TRDN: variants seen among roughly 807,000 people sequenced by gnomAD.
The protein encoded by TRDN is triadin.
TRDN carries 161 observed loss-of-function variants against 149.7 expected under a neutral mutation model. The ratio of observed to expected loss-of-function variants is 1.08; its 90% CI spans 0.95 to 1.23. The LOEUF is 1.23. TRDN is among the 50% of genes most tolerant of loss of function. The pLI, the probability that TRDN is intolerant of heterozygous loss-of-function variation, is 0.00. For synonymous variants in TRDN, 294 were observed against 250.5 expected (o/e 1.17, Z -1.64); for missense variants, 896 against 823.5 (o/e 1.09, Z -1.08).
intron 19 of TRDN, among the ~76,000 whole-genome samples, chr6:123,375,195 T>C (rs1340711373): frequency 6.6e-6 from 1 of 152,124 alleles, no homozygotes. Context: ...AGAGCAATGG[T>C]TAAGAAAATG....
In TRDN at chr6:123,352,454, T is replaced by G. The variant is rs1780499109; in HGVS notation, c.1369+85A>C. 6.4e-6 allele frequency: 10 copies of G among 1,569,220 alleles called. 1 individual carries two copies. The South Asian group carries it at 1.2e-4, about 19-fold the overall frequency. On this transcript the variant is annotated intron_variant, in intron 21 of 40. Transcript: ENST00000334268. ...GTAATAGACTTAAAGGTTATTGTCTTCCGCCTGTCTGAATCCAGTGCTTTC... is the reference window on the plus strand; with the variant it reads ...GTAATAGACTTAAAGGTTATTGTCTGCCGCCTGTCTGAATCCAGTGCTTTC...
chr6:123,368,921 C>T (rs1781218830), intron 19 of TRDN, among the ~76,000 whole-genome samples: 1 of 152,182 alleles, frequency 6.6e-6, no homozygotes, highest in Admixed American at 6.6e-5. Flanking sequence ...AGTTAAATCA[C>T]TCACGTATTT....
chr6:123,234,853 C>A (rs1453835450), intron 38 of TRDN, among the ~76,000 whole-genome samples: 1 of 151,996 alleles, frequency 6.6e-6, no homozygotes, highest in Non-Finnish European at 1.5e-5. Flanking sequence ...CACATTAGGA[C>A]AAGTGCTTAT....
chr6:123,525,485 C>T (rs1341771243), intron 5 of TRDN, among the ~76,000 whole-genome samples: 1 of 151,962 alleles, frequency 6.6e-6, no homozygotes. Flanking sequence ...TTCTCACTTA[C>T]AATTGCTACA....
chr6:123,254,336 T>G (rs868779173), intron 37 of TRDN, among the ~76,000 whole-genome samples: 1 of 152,150 alleles, frequency 6.6e-6, no homozygotes, highest in Middle Eastern at 3.4e-3. Context: ...TCTAGATATG[T>G]CTAGTCATTT....
intron 12 of TRDN, among the ~76,000 whole-genome samples, chr6:123,396,570 C>T (rs1772741815): frequency 6.6e-6 from 1 of 152,116 alleles, no homozygotes; most frequent in South Asian, 2.1e-4. Context: ...ATTAAAATGT[C>T]AGCATAATTC....
intron 10 of TRDN, among the ~76,000 whole-genome samples, chr6:123,458,437 A>G (rs1776258991): frequency 6.6e-6 from 1 of 152,172 alleles, no homozygotes; most frequent in South Asian, 2.1e-4. Context: ...TGAAGGCCTT[A>G]AAGAGAAAAG....
chr6:123,360,232 G>A (rs1040519161), intron 20 of TRDN, among the ~76,000 whole-genome samples: 8 of 151,980 alleles, frequency 5.3e-5, no homozygotes, highest in African/African-American at 1.7e-4. Flanking sequence ...TTCTGAGATG[G>A]GGACACAGGA....
intron 12 of TRDN, among the ~76,000 whole-genome samples, chr6:123,394,951 C>T (rs1212156062): frequency 6.6e-6 from 1 of 151,912 alleles, no homozygotes; most frequent in Non-Finnish European, 1.5e-5. Flanking sequence ...ATATAACTGA[C>T]ATTTAGTAGA....
rs562836043 is a variant in TRDN at position 123,371,896 on chromosome 6, C to T, written c.1273+3709G>A. Among the ~76,000 whole-genome samples, 5 of 152,152 alleles carry T rather than the reference C, an allele frequency of 3.3e-5. No homozygotes were observed. The South Asian group carries it at 8.3e-4, about 25-fold the overall frequency. On this transcript the variant is annotated intron_variant, in intron 19 of 40. Coordinates refer to ENST00000334268, the MANE Select transcript of TRDN (RefSeq NM_006073.4). ...GTATGAGTGCTGTTTTGAATATATT[C>T]TGGCAGCACCAGCTGTGATACTATT...
intron 24 of TRDN, among the ~76,000 whole-genome samples, chr6:123,312,390 C>T (rs1778859778): frequency 6.6e-6 from 1 of 151,770 alleles, no homozygotes; most frequent in Non-Finnish European, 1.5e-5. Flanking sequence ...AGATGAAGAC[C>T]TTTATGATGA....
Position 123,571,128 on chromosome 6 carries a change from A to G in TRDN, c.27T>C (p.Asn9=), listed in dbSNP as rs1782556816. Residue 9 remains asparagine (N), a synonymous_variant, in exon 2 of 41, where the codon AAT becomes AAC. Coordinates refer to ENST00000334268, the MANE Select transcript of TRDN (RefSeq NM_006073.4). The part of the protein sequence containing the change: MTEITAEG[N]ASTTTTVIDS... ...CTATCACAGTTGTGGTTGTAGATGC[A>G]TTTCCTAATCAAACATTCAGAAAGG... 6.2e-7 allele frequency: 1 copy of G among 1,613,644 alleles called. No homozygotes were observed. The highest frequency in any genetic ancestry group is 1.3e-5 in the African/African-American group (1 of 74,906).
In TRDN at chr6:123,272,971, A is replaced by G; in HGVS notation, c.1665T>C (p.Gly555=). ...ATACCACCTGCAAAATACCTGGTTT[A>G]CCATGAGAAACAGTCTTTTCTGGTT... ...IVKPEKTVSH[G]KPEEKVLKQV... Residue 555 remains glycine (G), a synonymous_variant, in exon 29 of 41, where the codon GGT becomes GGC. Transcript: ENST00000334268. 1.3e-6 allele frequency: 2 copies of G among 1,530,494 alleles called. No individual in the cohort carries two copies. Among genetic ancestry groups the G allele is most frequent in the Non-Finnish European group, 1.8e-6 (2 of 1,138,752 alleles). 94.8% of individuals were successfully genotyped at this position (1,530,494 alleles called of 1,614,324 possible). A position where few individuals can be genotyped will look rare whatever the true frequency, so the allele number is the denominator to read the frequency against.
chr6:123,452,215 C>G (rs1176649924), intron 10 of TRDN, among the ~76,000 whole-genome samples: 1 of 152,132 alleles, frequency 6.6e-6, no homozygotes, highest in Non-Finnish European at 1.5e-5. Flanking sequence ...CTCACCACTT[C>G]TCTTCAACAT....
intron 1 of TRDN, among the ~76,000 whole-genome samples, chr6:123,594,540 C>A (rs1322693576): frequency 6.6e-6 from 1 of 151,930 alleles, no homozygotes; most frequent in Non-Finnish European, 1.5e-5. Context: ...AGGAAACCCA[C>A]TTTCTTCACT....
At position 123,279,102 on chromosome 6, in the gene TRDN, T is replaced by G. The variant is rs773044428; in HGVS notation, c.1511-20A>C. The G allele has an allele frequency of 2.5e-6, 4 of 1,595,842 alleles. No homozygotes were observed. Among genetic ancestry groups the G allele is most frequent in the Admixed American group, 1.7e-5 (1 of 59,352 alleles). On this transcript the variant is annotated intron_variant, in intron 24 of 40. Transcript: ENST00000334268. Reference sequence around the variant, plus strand: ...CTTTGCCTAGAAAAAAGTAAAAAAATTATTAAAGGCTGAGTCATACAATTC... The same window carrying G: ...CTTTGCCTAGAAAAAAGTAAAAAAAGTATTAAAGGCTGAGTCATACAATTC...
intron 10 of TRDN, among the ~76,000 whole-genome samples, chr6:123,463,722 T>C (rs988037175): frequency 5.3e-5 from 8 of 152,050 alleles, no homozygotes; most frequent in African/African-American, 1.9e-4. Context: ...TGAACTATTA[T>C]AGTCCAAATG....
At chr6:123,289,605 C>T (rs912020835) in intron 24 of TRDN, among the ~76,000 whole-genome samples, 1 of 152,248 alleles carries the variant, frequency 6.6e-6, no homozygotes, top group African/African-American at 2.4e-5. Flanking sequence ...GGAGTTACTG[C>T]CCCTTTCCAT....
chr6:123,492,164 T>G (rs1000110552), intron 9 of TRDN, among the ~76,000 whole-genome samples: 7 of 152,098 alleles, frequency 4.6e-5, no homozygotes, highest in African/African-American at 1.7e-4. Flanking sequence ...ACCCTCAATT[T>G]AAAGAAAACA....
Sources: allele counts gnomAD v4.1 joint callset (sites outside exome capture counted in the v4.1 genomes callset), GRCh38; gene constraint gnomAD v4.1.1; transcripts MANE v1.5; gene names NCBI Gene and HGNC (gene_info 2026-07-23, HGNC 2026-07-21).